The following CTSB variants were observed in gnomAD, a reference collection of about 807,000 sequenced individuals.
The protein encoded by CTSB is cathepsin B, also known as APP secretase.
Under a neutral mutation model 44.3 loss-of-function variants are expected in CTSB, and 57 were observed. The observed-to-expected ratio is 1.29, with a 90% CI of 1.04 to 1.60. The LOEUF (loss-of-function observed/expected upper bound fraction) is 1.60, where lower values mean the gene tolerates loss of function less well. Ranked by LOEUF, CTSB falls within the 40% of genes most tolerant of loss-of-function variation. CTSB has a pLI of 0.00. For missense variants in CTSB, 768 were observed against 443.0 expected (o/e 1.73, Z -6.59); for synonymous variants, 320 against 168.0 (o/e 1.91, Z -7.00).
chr8:11,851,614 G>A (rs1195761897), intron 3 of CTSB, among the ~76,000 whole-genome samples: 1 of 152,104 alleles, frequency 6.6e-6, no homozygotes, highest in African/African-American at 2.4e-5. Context: ...TTCTTGCCCT[G>A]CTCTCCTGCC....
chr8:11,849,359 T>G (rs939841229), intron 4 of CTSB, 195 bp from the exon 5 acceptor site: 10 of 440,138 alleles, frequency 2.3e-5, no homozygotes, highest in Non-Finnish European at 3.9e-5. Flanking sequence ...TTGGCCAGAC[T>G]GGTCTTGAAC....
chr8:11,860,265 T>C (rs1361974102), intron 1 of CTSB, among the ~76,000 whole-genome samples: 2 of 152,166 alleles, frequency 1.3e-5, no homozygotes, highest in Non-Finnish European at 2.9e-5. Flanking sequence ...ATGCAGTATT[T>C]TGCTCTTCCT....
At chr8:11,845,522 G>A (rs764400122) in intron 9 of CTSB, 139 bp downstream of exon 9, 1 of 1,044,142 alleles carries the variant, frequency 9.6e-7, no homozygotes, top group South Asian at 1.7e-5. Context: ...CTGACTGCCT[G>A]GCACTTAGGA....
chr8:11,848,549 G>A (rs987193745), intron 5 of CTSB: 1 of 353,492 alleles, frequency 2.8e-6, no homozygotes, highest in African/African-American at 2.1e-5. Context: ...AACTAGTTAG[G>A]GGAGAAGCCC....
intron 1 of CTSB, among the ~76,000 whole-genome samples, chr8:11,864,908 C>G (rs369577600): frequency 0.012 from 1,544 of 131,954 alleles, 25 homozygotes; most frequent in African/African-American, 0.041. Flanking sequence ...GTGAAACTGT[C>G]TCAAAAAAAA....
chr8:11,850,667 C>T, intron 4 of CTSB, 199 bp downstream of exon 4: 1 of 465,190 alleles, frequency 2.1e-6, no homozygotes, highest in South Asian at 3.0e-5. Context: ...CTGCTGGATG[C>T]TCTGCCCGCC....
At position 11,845,807 on chromosome 8, in the gene CTSB, G is replaced by A; in HGVS notation, c.794-18C>T. 6.2e-7 allele frequency: 1 copy of A among 1,602,606 alleles called. No homozygotes were observed. The highest frequency in any genetic ancestry group is 1.1e-5 in the South Asian group (1 of 90,344). On this transcript the variant is annotated intron_variant, in intron 8 of 9. Transcript: ENST00000353047. Reference sequence around the variant, plus strand: ...GTACACTCCTGAAAAGGGAAGAACTGGCTGAGACCGAGACCGGGCCACTGT... The same window carrying A: ...GTACACTCCTGAAAAGGGAAGAACTAGCTGAGACCGAGACCGGGCCACTGT...
chr8:11,854,598 A>T (rs1005324216), intron 1 of CTSB: 1 of 151,586 alleles, frequency 6.6e-6, no homozygotes, highest in African/African-American at 2.4e-5. Flanking sequence ...CCAGGTTCTT[A>T]GCCTCCCAAG....
intron 1 of CTSB, among the ~76,000 whole-genome samples, chr8:11,855,622 G>C (rs1021507692): frequency 1.3e-5 from 2 of 152,186 alleles, no homozygotes; most frequent in African/African-American, 4.8e-5. Flanking sequence ...ACGAAACAAA[G>C]CAGTACTCAC....
chr8:11,858,451 C>T (rs180829639), intron 1 of CTSB, among the ~76,000 whole-genome samples: 210 of 152,210 alleles, frequency 1.4e-3, no homozygotes, highest in African/African-American at 4.7e-3. Context: ...TACACCACTA[C>T]GCCCAGCTTT....
intron 7 of CTSB, 92 bp downstream of exon 7, chr8:11,847,587 C>A: frequency 7.1e-7 from 1 of 1,405,988 alleles, no homozygotes; most frequent in East Asian, 2.5e-5. Flanking sequence ...CCCCAAGGCT[C>A]CTCAGCCCTG....
intron 1 of CTSB, among the ~76,000 whole-genome samples, chr8:11,865,901 G>A (rs1460942383): frequency 6.8e-6 from 1 of 146,478 alleles, no homozygotes; most frequent in Non-Finnish European, 1.5e-5. Context: ...GGCAATCCCA[G>A]CTACTTGGGA....
intron 8 of CTSB, among the ~76,000 whole-genome samples, 189 bp from the exon 9 acceptor site, chr8:11,845,978 C>T (rs1813248893): frequency 6.6e-6 from 1 of 152,228 alleles, no homozygotes; most frequent in Non-Finnish European, 1.5e-5. Context: ...GAAGGCCCAA[C>T]ACACTCAAAG....
chr8:11,862,205 T>TCAAAAAAAAAAAAACCTC (rs1816536231), intron 1 of CTSB: 1 of 119,078 alleles, frequency 8.4e-6, no homozygotes, highest in Admixed American at 9.1e-5. Context: ...AGACTCCATC[T>TCAAAAAAAAAAAAACCTC]CAAAAAAAAA....
rs530044025 is a variant in CTSB, at chr8:11,859,262, G to A, written c.-25-5783C>T. 7.9e-5 allele frequency among the ~76,000 whole-genome samples: 12 copies of A among 152,192 alleles called. No individual in the cohort carries two copies. The East Asian group carries it at 9.6e-4, about 12-fold the overall frequency. On this transcript the variant is annotated intron_variant, in intron 1 of 9. Coordinates refer to ENST00000353047, the MANE Select transcript of CTSB (RefSeq NM_001908.5). Reference sequence around the variant, plus strand: ...TGCCAAAAAGAGTGTGCGGCCAGGCGACTCTATCAACCAGAGCACCTTCCT... The same window carrying A: ...TGCCAAAAAGAGTGTGCGGCCAGGCAACTCTATCAACCAGAGCACCTTCCT...
chr8:11,864,926 G>A (rs1816913281), intron 1 of CTSB, among the ~76,000 whole-genome samples: 1 of 151,184 alleles, frequency 6.6e-6, no homozygotes, highest in African/African-American at 2.4e-5. Context: ...AAAAAAGAAA[G>A]AAAAAAATGT....
intron 8 of CTSB, among the ~76,000 whole-genome samples, chr8:11,846,701 G>A (rs1033069654): frequency 2.0e-5 from 3 of 152,362 alleles, no homozygotes; most frequent in East Asian, 1.9e-4. Context: ...TGCTGGTAAA[G>A]CAATGCAAAG....
intron 4 of CTSB, chr8:11,849,936 T>C (rs1208539133): frequency 1.3e-5 from 2 of 152,228 alleles, no homozygotes; most frequent in South Asian, 2.1e-4. Flanking sequence ...ACTGTTGTGA[T>C]CCACTTGTAT....
chr8:11,856,925 TTAC>T (rs1376478995), intron 1 of CTSB, among the ~76,000 whole-genome samples: 1 of 152,164 alleles, frequency 6.6e-6, no homozygotes, highest in African/African-American at 2.4e-5. Context: ...GTTGGCAGTA[TTAC>T]TAAAGGCCCT....
Sources: gnomAD v4.1 joint callset for allele counts (sites outside exome capture counted in the v4.1 genomes callset) on GRCh38, gnomAD v4.1.1 for gene constraint, MANE v1.5 for transcripts, NCBI Gene and HGNC (gene_info 2026-07-23, HGNC 2026-07-21) for gene names.